The following MACF1 variants were observed in gnomAD, a reference collection of about 807,000 sequenced individuals.
MACF1 encodes the protein microtubule-actin cross-linking factor 1.
MACF1 carries 193 observed loss-of-function variants against 854.8 expected under a neutral mutation model. The ratio of observed to expected loss-of-function variants is 0.23; its 90% CI spans 0.20 to 0.25. The LOEUF (loss-of-function observed/expected upper bound fraction) is 0.25, where lower values mean the gene tolerates loss of function less well. MACF1 is among the 10% of genes least tolerant of loss of function. The pLI is 1.00. For missense variants in MACF1, 7,722 were observed against 8,929.1 expected (o/e 0.86, Z 5.45); for synonymous variants, 3,185 against 3,226.7 (o/e 0.99, Z 0.44).
At chr1:39,455,675 A>T (rs1395176856) in intron 89 of MACF1, among the ~76,000 whole-genome samples, 2 of 152,276 alleles carry the variant, frequency 1.3e-5, no homozygotes, top group East Asian at 3.9e-4. Context: ...TGCCTGCCAC[A>T]GCCTGTTTTT....
intron 40 of MACF1, among the ~76,000 whole-genome samples, chr1:39,343,313 T>C (rs58270121): frequency 1.8e-3 from 280 of 152,300 alleles, no homozygotes; most frequent in African/African-American, 6.0e-3. Context: ...TCCCCAATCT[T>C]AAGAGAAGCA....
At chr1:39,120,977 T>C (rs1435641220) in intron 2 of MACF1, 1 of 152,414 alleles carries the variant, frequency 6.6e-6, no homozygotes, top group Non-Finnish European at 1.5e-5. Flanking sequence ...TGTGTCATCC[T>C]TGTGCAGGGG....
At chr1:39,410,212 GA>G (rs1262001223) in intron 58 of MACF1, 1 of 1,332,128 alleles carries the variant, frequency 7.5e-7, no homozygotes, top group African/African-American at 1.5e-5. Context: ...CATTTGGGGG[GA>G]ACCTGTGAAA....
chr1:39,372,651 CT>C, intron 52 of MACF1, 55 bp downstream of exon 52: 1 of 1,133,658 alleles, frequency 8.8e-7, no homozygotes, highest in Non-Finnish European at 1.3e-6. Context: ...TGCTTTTGGC[CT>C]TTGGAGATGC....
intron 55 of MACF1, among the ~76,000 whole-genome samples, chr1:39,381,444 A>G (rs1650210872): frequency 6.9e-6 from 1 of 145,668 alleles, no homozygotes; most frequent in South Asian, 2.1e-4. Flanking sequence ...ATAGCTCACT[A>G]CAGCCTCGAC....
chr1:39,355,227 G>A (rs887287728), intron 44 of MACF1, among the ~76,000 whole-genome samples: 1 of 152,094 alleles, frequency 6.6e-6, no homozygotes, highest in Non-Finnish European at 1.5e-5. Flanking sequence ...AGAGGACAGA[G>A]CAAAAATGGT....
intron 62 of MACF1, 113 bp downstream of exon 62, chr1:39,427,727 A>G: frequency 3.6e-6 from 4 of 1,112,432 alleles, no homozygotes; most frequent in Non-Finnish European, 5.1e-6. Context: ...TTAACTTAAA[A>G]TATGGTCAGA....
rs11406070 is a variant in MACF1, at chr1:39,266,594, C to CTTTTTTT, written c.528+8585_528+8591dup. On this transcript the variant is annotated intron_variant, in intron 6 of 100. Transcript: ENST00000564288. ...GTTGCTTTCCTTTTGTGGTCTTTTCCTTTTTTTTTTTTTTTTTTTTTTTTT... is the reference window on the plus strand; with the variant it reads ...GTTGCTTTCCTTTTGTGGTCTTTTCCTTTTTTTTTTTTTTTTTTTTTTTTTTTTTTTT... Among the ~76,000 whole-genome samples the CTTTTTTT allele has an allele frequency of 1.7e-3, 97 of 58,098 alleles. 3 individuals carry two copies. The highest frequency in any genetic ancestry group is 2.1e-3 in the Non-Finnish European group (69 of 33,494). 38.1% of individuals were successfully genotyped at this position (58,098 alleles called of 152,430 possible).
Position 39,358,888 on chromosome 1 carries a change from A to G in MACF1, c.12120+15A>G. 1 of 1,599,432 alleles carries G rather than the reference A, an allele frequency of 6.3e-7. No individual in the cohort carries two copies. The highest frequency in any genetic ancestry group is 1.1e-5 in the South Asian group (1 of 89,478). ...CAACAACAAAGGTAAGTCAGGACAC[A>G]GGCTGTGTTGTGGTGTCAAGACCTT... On this transcript the variant is annotated intron_variant, in intron 46 of 100. Coordinates refer to ENST00000564288, the MANE Select transcript of MACF1 (RefSeq NM_001394062.1).
intron 2 of MACF1, among the ~76,000 whole-genome samples, chr1:39,239,918 C>T (rs1457836624): frequency 6.6e-6 from 1 of 152,190 alleles, no homozygotes; most frequent in Admixed American, 6.5e-5. Flanking sequence ...TTCCGTCCGT[C>T]CGTCTTTCTG....
Position 39,310,262 on chromosome 1 carries a change from A to T in MACF1, c.2934A>T (p.Pro978=), listed in dbSNP as rs1646273986. 2 of 1,612,880 alleles carry T rather than the reference A, an allele frequency of 1.2e-6. No homozygotes were observed. The highest frequency in any genetic ancestry group is 2.7e-5 in the African/African-American group (2 of 74,870). ...WNLEKLRSSA[P]GECHQIMKNL... ...CTTTCTAGCTTCGATCCTCAGCACC[A>T]GGGGAGTGCCATCAGATTATGAAGA... The change falls in exon 25 of 101, where the codon CCA becomes CCT. Residue 978 remains proline (P), a synonymous_variant. Transcript: ENST00000564288.
chr1:39,423,937 G>A (rs1418126539), intron 60 of MACF1, 91 bp from the exon 61 acceptor site: 2 of 1,114,542 alleles, frequency 1.8e-6, no homozygotes, highest in Non-Finnish European at 2.5e-6. Flanking sequence ...CTTAGGATTT[G>A]GCGGGTTGGT....
chr1:39,085,535 G>A (rs1486013244), intron 2 of MACF1, among the ~76,000 whole-genome samples: 1 of 152,078 alleles, frequency 6.6e-6, no homozygotes, highest in Non-Finnish European at 1.5e-5. Flanking sequence ...GCATTTAATA[G>A]CTCTTCCTCT....
intron 42 of MACF1, 30 bp from the exon 43 acceptor site, chr1:39,350,755 G>T: frequency 6.5e-7 from 1 of 1,545,820 alleles, no homozygotes; most frequent in Middle Eastern, 1.7e-4. Flanking sequence ...AAAGTCGAAG[G>T]CTCTGCCATT....
chr1:39,114,139 C>G (rs1256850788), intron 2 of MACF1, among the ~76,000 whole-genome samples: 1 of 150,380 alleles, frequency 6.6e-6, no homozygotes, highest in Non-Finnish European at 1.5e-5. Flanking sequence ...CCCCACCCAA[C>G]AACCACAGAA....
intron 50 of MACF1, 22 bp downstream of exon 50, chr1:39,368,336 T>G: frequency 6.2e-7 from 1 of 1,604,676 alleles, no homozygotes; most frequent in Non-Finnish European, 8.5e-7. Context: ...CTTGTGTTGG[T>G]CAGCATTGGG....
At chr1:39,123,027 C>T (rs1044248481) in intron 2 of MACF1, among the ~76,000 whole-genome samples, 1 of 151,906 alleles carries the variant, frequency 6.6e-6, no homozygotes, top group Non-Finnish European at 1.5e-5. Flanking sequence ...GGAGGTTCCT[C>T]AGTCATTTGG....
At chr1:39,304,722 C>A in intron 23 of MACF1, 1 of 360,186 alleles carries the variant, frequency 2.8e-6, no homozygotes, top group Non-Finnish European at 5.2e-6. Context: ...CGTCACCATG[C>A]CCTGCTAATT....
At chr1:39,364,753 A>G (rs1648537732) in intron 49 of MACF1, among the ~76,000 whole-genome samples, 3 of 152,170 alleles carry the variant, frequency 2.0e-5, no homozygotes, top group South Asian at 4.2e-4. Flanking sequence ...CAGCCTCCCA[A>G]AGTGCTGGGA....
Sources: gnomAD v4.1 joint callset for allele counts (sites outside exome capture counted in the v4.1 genomes callset) on GRCh38, gnomAD v4.1.1 for gene constraint, MANE v1.5 for transcripts, NCBI Gene and HGNC (gene_info 2026-07-23, HGNC 2026-07-21) for gene names.